ENTREP2: variants seen among roughly 807,000 people sequenced by gnomAD.
ENTREP2 encodes endosomal transmembrane epsin interactor 2.
At chr15:29,416,227 C>T in the ENTREP2 span, among the ~76,000 whole-genome samples, 2 of 152,062 alleles carry the variant, frequency 1.3e-5, no homozygotes, top group Non-Finnish European at 2.9e-5. Context: ...GGAGGCATCA[C>T]GCTACCTGAC....
At chr15:29,457,703 T>C in the ENTREP2 span, among the ~76,000 whole-genome samples, 2 of 152,210 alleles carry the variant, frequency 1.3e-5, no homozygotes, top group African/African-American at 2.4e-5. Context: ...AGCATGAAGC[T>C]GCTAAGTGTC....
At chr15:29,232,655 C>G in the ENTREP2 span, among the ~76,000 whole-genome samples, 53,868 of 151,008 alleles carry the variant, frequency 0.36, 10,361 homozygotes, top group East Asian at 0.6. Context: ...ACCACACCCG[C>G]CTAATTAAAT....
the ENTREP2 span, among the ~76,000 whole-genome samples, chr15:29,458,449 G>A: frequency 6.6e-6 from 1 of 152,062 alleles, no homozygotes; most frequent in Non-Finnish European, 1.5e-5. Context: ...AACCATCGCA[G>A]AGCCACGGGC....
At chr15:29,124,829 C>T in the ENTREP2 span, 23 of 1,357,740 alleles carry the variant, frequency 1.7e-5, no homozygotes, top group East Asian at 2.5e-5. Flanking sequence ...GCTATCATAA[C>T]CCGCCTGTGA....
chr15:29,372,132 A>C, the ENTREP2 span, among the ~76,000 whole-genome samples: 2 of 152,160 alleles, frequency 1.3e-5, no homozygotes, highest in Non-Finnish European at 2.9e-5. Context: ...TTCTTGAACA[A>C]CACAGGTTTG....
chr15:29,671,176 G>T, the ENTREP2 span, among the ~76,000 whole-genome samples: 1 of 152,234 alleles, frequency 6.6e-6, no homozygotes, highest in African/African-American at 2.4e-5. Flanking sequence ...GCCATGTGCT[G>T]ACAGGGTGGC....
At chr15:29,224,299 G>A in the ENTREP2 span, among the ~76,000 whole-genome samples, 2 of 152,124 alleles carry the variant, frequency 1.3e-5, no homozygotes, top group Non-Finnish European at 2.9e-5. Flanking sequence ...AGTGTTACAG[G>A]TGATAAAGGC....
the ENTREP2 span, among the ~76,000 whole-genome samples, chr15:29,621,802 T>TA: frequency 3.3e-3 from 501 of 152,228 alleles, 3 homozygotes; most frequent in Non-Finnish European, 2.7e-3. Context: ...CTTGAAGTGA[T>TA]ATTTGTACAC....
the ENTREP2 span, among the ~76,000 whole-genome samples, chr15:29,618,735 A>G: frequency 7.4e-6 from 1 of 134,890 alleles, no homozygotes; most frequent in East Asian, 2.3e-4. Flanking sequence ...GGTGGCTGCC[A>G]GCAGTGTGCC....
the ENTREP2 span, among the ~76,000 whole-genome samples, chr15:29,291,640 T>TA: frequency 2.6e-5 from 4 of 152,214 alleles, no homozygotes; most frequent in African/African-American, 4.8e-5. Context: ...CACACAATGA[T>TA]ACACTTCTCG....
At chr15:29,330,307 G>T in the ENTREP2 span, among the ~76,000 whole-genome samples, 13 of 152,004 alleles carry the variant, frequency 8.6e-5, no homozygotes, top group Admixed American at 8.5e-4. Context: ...AATTCAGCCA[G>T]GAGTGGTGGC....
chr15:29,607,825 T>TAGATAGATAGATAGATAGAC, the ENTREP2 span, among the ~76,000 whole-genome samples: 213 of 84,980 alleles, frequency 2.5e-3, 2 homozygotes, highest in African/African-American at 0.014. Context: ...GATAGATAGA[T>TAGATAGATAGATAGATAGAC]AGACAGACAG....
the ENTREP2 span, among the ~76,000 whole-genome samples, chr15:29,637,405 C>A: frequency 2.6e-5 from 4 of 152,316 alleles, no homozygotes; most frequent in South Asian, 8.3e-4. Context: ...GTGGGGCACA[C>A]ACCTCCCTAG....
At chr15:29,595,376 T>C in the ENTREP2 span, among the ~76,000 whole-genome samples, 1 of 152,224 alleles carries the variant, frequency 6.6e-6, no homozygotes, top group Non-Finnish European at 1.5e-5. Flanking sequence ...CCTATTATTA[T>C]TAACATCTTA....
the ENTREP2 span, among the ~76,000 whole-genome samples, chr15:29,484,713 C>T: frequency 3.3e-5 from 5 of 152,132 alleles, no homozygotes; most frequent in Non-Finnish European, 7.3e-5. Context: ...TTTATAAACA[C>T]CTTGCTTCCT....
the ENTREP2 span, among the ~76,000 whole-genome samples, chr15:29,194,664 G>T: frequency 6.6e-6 from 1 of 152,206 alleles, no homozygotes; most frequent in Non-Finnish European, 1.5e-5. Context: ...GAATAAGAGT[G>T]AGACTGCAAG....
the ENTREP2 span, chr15:29,376,525 A>G: frequency 6.6e-6 from 1 of 151,370 alleles, no homozygotes; most frequent in African/African-American, 2.4e-5. Context: ...CAGCATTTAG[A>G]AAGGCACTTA....
the ENTREP2 span, among the ~76,000 whole-genome samples, chr15:29,670,713 G>C: frequency 6.6e-6 from 1 of 152,134 alleles, no homozygotes; most frequent in Non-Finnish European, 1.5e-5. Context: ...CTACACAAAG[G>C]GCCTGCAGTG....
chr15:29,337,626 A>T, the ENTREP2 span, among the ~76,000 whole-genome samples: 3 of 152,192 alleles, frequency 2.0e-5, no homozygotes, highest in Non-Finnish European at 4.4e-5. Context: ...CTGTGGCTGA[A>T]TGCCCAGACT....
Sources: allele counts gnomAD v4.1 joint callset (sites outside exome capture counted in the v4.1 genomes callset), GRCh38; gene constraint gnomAD v4.1.1; transcripts MANE v1.5; gene names NCBI Gene and HGNC (gene_info 2026-07-23, HGNC 2026-07-21).